Variants in ZNF280C observed in about 807,000 individuals in gnomAD.
ZNF280C encodes suppressor of hairy wing homolog 3.
ZNF280C carries 14 observed loss-of-function variants against 53.6 expected under a neutral mutation model. The observed-to-expected ratio is 0.26, with a 90% CI of 0.17 to 0.41. The LOEUF (loss-of-function observed/expected upper bound fraction) is 0.41. ZNF280C is among the 10% of genes least tolerant of loss of function. The probability of loss-of-function intolerance (pLI) is 1.00; values close to 1 mark genes in which losing one functional copy is unlikely to be tolerated. For missense variants in ZNF280C, 416 were observed against 547.1 expected, an observed-to-expected ratio of 0.76 and a Z score of 2.39; for synonymous variants, 203 against 181.1, an observed-to-expected ratio of 1.12 and a Z score of -0.97.
chrX:130,216,653 G>A (rs888182628), intron 13 of ZNF280C, among the ~76,000 whole-genome samples: 1 of 111,819 alleles, frequency 8.9e-6, no homozygotes, highest in Non-Finnish European at 1.9e-5. Flanking sequence ...AGAGAAATGC[G>A]AACCCTCATA....
chrX:130,218,056 G>C (rs1417230336), intron 13 of ZNF280C, among the ~76,000 whole-genome samples: 2 of 111,094 alleles, frequency 1.8e-5, no homozygotes, highest in Non-Finnish European at 3.8e-5. Flanking sequence ...CAGCTACTTG[G>C]GAGGCTGAGG....
At chrX:130,257,044 CAAAAA>C (rs1211466342) in intron 2 of ZNF280C, among the ~76,000 whole-genome samples, 1 of 107,341 alleles carries the variant, frequency 9.3e-6, no homozygotes, top group Non-Finnish European at 1.9e-5. Flanking sequence ...ACTAAAAACA[CAAAAA>C]AATTAGCCAG....
chrX:130,203,017 T>C lies in ZNF280C; in HGVS notation c.*1960A>G, dbSNP rs1782230174. The C allele has an allele frequency of 8.9e-6, 1 of 111,775 alleles. No individual in the cohort carries two copies. The highest frequency in any genetic ancestry group is 1.9e-5 in the Non-Finnish European group (1 of 53,210). The allele number at this position is 111,775 out of a possible 1,213,427, so 9.2% of individuals were successfully genotyped here. A position where few individuals can be genotyped will look rare whatever the true frequency, so the allele number is the denominator to read the frequency against. The stretch of plus-strand genomic sequence containing the variant: ...TGTTTTAAGTTCTGTAAGAAGAGTT[T>C]TGCCAATTCTTTATGTCTTTGAAAT... On this transcript the variant is annotated 3_prime_UTR_variant, in exon 19 of 19. Transcript: ENST00000370978.
intron 15 of ZNF280C, among the ~76,000 whole-genome samples, chrX:130,213,081 T>C (rs747511044): frequency 1.2e-4 from 13 of 112,001 alleles, no homozygotes; most frequent in South Asian, 7.3e-4. Flanking sequence ...TGGCCGGGCG[T>C]GGTGGCTCAC....
At chrX:130,248,382 CAGG>C (rs1378047869) in intron 2 of ZNF280C, among the ~76,000 whole-genome samples, 1 of 109,748 alleles carries the variant, frequency 9.1e-6, no homozygotes, top group Non-Finnish European at 1.9e-5. Flanking sequence ...GGAATCCCGG[CAGG>C]AGAAGACCCT....
intron 16 of ZNF280C, among the ~76,000 whole-genome samples, chrX:130,208,697 ATT>A (rs764350027): frequency 1.7e-4 from 17 of 99,353 alleles, no homozygotes; most frequent in Admixed American, 3.3e-4. Context: ...AAATAGCATA[ATT>A]TTTTTTTTTT....
At position 130,239,664 on chromosome X, in the gene ZNF280C, C is replaced by T. The variant is rs758811642; in HGVS notation, c.411G>A (p.Ser137=). 12 of 1,188,296 alleles carry T rather than the reference C, an allele frequency of 1.0e-5. No homozygotes were observed. The East Asian group carries it at 1.2e-4, about 12-fold the overall frequency. ...PDFTKNSQVG[S]DNSSILLFDS... Reference sequence around the variant, plus strand: ...CAAACAGTAAAATTGAAGAATTATCCGATCCAACTTGTGAATTCTTTGTAA... The same window carrying T: ...CAAACAGTAAAATTGAAGAATTATCTGATCCAACTTGTGAATTCTTTGTAA... Residue 137 remains serine (S), a synonymous_variant, in exon 6 of 19, where the codon TCG becomes TCA. Coordinates refer to ENST00000370978, the MANE Select transcript of ZNF280C (RefSeq NM_017666.5).
At chrX:130,247,872 T>G (rs183886673) in intron 2 of ZNF280C, among the ~76,000 whole-genome samples, 1 of 109,252 alleles carries the variant, frequency 9.2e-6, no homozygotes, top group East Asian at 2.9e-4. Flanking sequence ...TGAAACTTAA[T>G]TCTGTTTCAG....
intron 15 of ZNF280C, among the ~76,000 whole-genome samples, chrX:130,212,187 A>C (rs1362153449): frequency 8.9e-6 from 1 of 112,009 alleles, no homozygotes; most frequent in Non-Finnish European, 1.9e-5. Flanking sequence ...ATGTTTATGC[A>C]AATGATGCCC....
intron 2 of ZNF280C, among the ~76,000 whole-genome samples, chrX:130,255,871 C>T (rs1257540333): frequency 8.9e-6 from 1 of 111,982 alleles, no homozygotes; most frequent in Non-Finnish European, 1.9e-5. Context: ...ACAAGAATCG[C>T]CTCAACCCAG....
chrX:130,230,169 T>C (rs1291712270), intron 9 of ZNF280C, among the ~76,000 whole-genome samples: 1 of 111,894 alleles, frequency 8.9e-6, no homozygotes, highest in African/African-American at 3.2e-5. Context: ...TCTTGTGACA[T>C]GAAGAAAAGT....
At chrX:130,229,598 T>C (rs1287737792) in intron 9 of ZNF280C, among the ~76,000 whole-genome samples, 2 of 112,449 alleles carry the variant, frequency 1.8e-5, no homozygotes, top group African/African-American at 6.5e-5. Context: ...GGTATATTTT[T>C]ATTTGTGTCT....
At chrX:130,251,149 G>A (rs1285346363) in intron 2 of ZNF280C, among the ~76,000 whole-genome samples, 1 of 106,939 alleles carries the variant, frequency 9.4e-6, no homozygotes, top group African/African-American at 3.4e-5. Context: ...AGGCATGATG[G>A]CAAGTACTTC....
chrX:130,236,566 T>C lies in ZNF280C; in HGVS notation c.567A>G (p.Pro189=), dbSNP rs376384331. ...TCTGAGGAACATCTTCACTGGTCTT[T>C]GGTTTTTTTGGAGTAACACTGTTTA... The part of the protein sequence containing the change: ...SKVNSVTPKK[P]KTSEDVPQIN... Residue 189 remains proline (P), a synonymous_variant, in exon 7 of 19, where the codon CCA becomes CCG. Transcript: ENST00000370978. The C allele has an allele frequency of 2.2e-5, 27 of 1,203,818 alleles. No homozygotes were observed. Among genetic ancestry groups the C allele is most frequent in the Non-Finnish European group, 2.9e-5 (26 of 890,692 alleles).
intron 13 of ZNF280C, among the ~76,000 whole-genome samples, chrX:130,218,566 G>A (rs1807048903): frequency 8.9e-6 from 1 of 112,350 alleles, no homozygotes; most frequent in African/African-American, 3.2e-5. Flanking sequence ...CTTCTATGAA[G>A]TCCTATGAAA....
chrX:130,208,697 A>ATT (rs764350027), intron 16 of ZNF280C, among the ~76,000 whole-genome samples: 22 of 99,433 alleles, frequency 2.2e-4, no homozygotes, highest in African/African-American at 5.9e-4. Context: ...AAATAGCATA[A>ATT]TTTTTTTTTT....
intron 2 of ZNF280C, among the ~76,000 whole-genome samples, chrX:130,249,788 C>T (rs181052127): frequency 4.3e-4 from 48 of 111,849 alleles, no homozygotes; most frequent in African/African-American, 1.5e-3. Context: ...CACTCTCCAA[C>T]AAGGGTTCCG....
intron 16 of ZNF280C, 52 bp from the exon 17 acceptor site, chrX:130,205,467 CAT>C (rs1569430190): frequency 1.7e-5 from 14 of 835,499 alleles, no homozygotes; most frequent in Non-Finnish European, 2.4e-5. Flanking sequence ...TATGAAAATC[CAT>C]ATGAGCTCAA....
At chrX:130,222,325 CACACA>C (rs2032175667) in intron 12 of ZNF280C, among the ~76,000 whole-genome samples, 6 of 107,685 alleles carry the variant, frequency 5.6e-5, no homozygotes, top group African/African-American at 1.7e-4. Context: ...CACACACACA[CACACA>C]CCCTTCTCTA....
Sources: allele counts gnomAD v4.1 joint callset (sites outside exome capture counted in the v4.1 genomes callset), GRCh38; gene constraint gnomAD v4.1.1; transcripts MANE v1.5; gene names NCBI Gene and HGNC (gene_info 2026-07-23, HGNC 2026-07-21).